Variants in CDH18 observed in about 807,000 individuals in gnomAD.
The protein encoded by CDH18 is cadherin 18.
A neutral mutation model predicts 67.9 loss-of-function variants in CDH18; 31 were observed. The observed-to-expected ratio is 0.46, with a 90% CI of 0.34 to 0.62. The LOEUF (loss-of-function observed/expected upper bound fraction) is 0.62. Among genes scored for constraint, CDH18 ranks in the 20% least tolerant of loss-of-function variants. CDH18 has a pLI of 0.01. For synonymous variants in CDH18, 362 were observed against 347.2 expected (o/e 1.04, Z -0.48); for missense variants, 890 against 975.5 (o/e 0.91, Z 1.17).
chr5:19,635,250 T>C (rs1414837591), intron 5 of CDH18, among the ~76,000 whole-genome samples: 1 of 152,178 alleles, frequency 6.6e-6, no homozygotes, highest in Non-Finnish European at 1.5e-5. Context: ...AGAAAATCCA[T>C]CTAATCACAG....
At chr5:19,549,690 G>A (rs922759299) in intron 8 of CDH18, among the ~76,000 whole-genome samples, 4 of 141,276 alleles carry the variant, frequency 2.8e-5, no homozygotes, top group Admixed American at 7.3e-5. Flanking sequence ...GAAGAAAAGC[G>A]AAAGAAAGAA....
At chr5:20,562,768 A>C (rs1287546920) in intron 1 of CDH18, among the ~76,000 whole-genome samples, 1 of 151,926 alleles carries the variant, frequency 6.6e-6, no homozygotes, top group Non-Finnish European at 1.5e-5. Context: ...GTAAAATTAA[A>C]ACAATATGAA....
chr5:19,550,099 G>A (rs2127134126), intron 8 of CDH18, among the ~76,000 whole-genome samples: 1 of 152,032 alleles, frequency 6.6e-6, no homozygotes, highest in Non-Finnish European at 1.5e-5. Flanking sequence ...ATAGCATTTT[G>A]GAGACTAGTG....
At chr5:19,563,049 T>G (rs549098085) in intron 8 of CDH18, among the ~76,000 whole-genome samples, 43 of 152,268 alleles carry the variant, frequency 2.8e-4, no homozygotes, top group Non-Finnish European at 5.6e-4. Context: ...ATGTGTGGAG[T>G]AAACCCATAA....
At chr5:19,602,809 C>A (rs999868522) in intron 6 of CDH18, among the ~76,000 whole-genome samples, 1 of 151,816 alleles carries the variant, frequency 6.6e-6, no homozygotes, top group South Asian at 2.1e-4. Flanking sequence ...ACTAAAAGTA[C>A]AAAAAATTAG....
chr5:19,761,597 C>T (rs1381696241), intron 3 of CDH18, among the ~76,000 whole-genome samples: 1 of 151,952 alleles, frequency 6.6e-6, no homozygotes, highest in Non-Finnish European at 1.5e-5. Flanking sequence ...AAAGAGGACA[C>T]AAACAAATGG....
chr5:20,275,344 A>G (rs991850480), intron 1 of CDH18, among the ~76,000 whole-genome samples: 2 of 152,030 alleles, frequency 1.3e-5, no homozygotes, highest in Non-Finnish European at 2.9e-5. Context: ...CTCTCCTGCC[A>G]CCATATGAAG....
At chr5:19,723,828 C>T (rs1766446221) in intron 4 of CDH18, among the ~76,000 whole-genome samples, 1 of 152,106 alleles carries the variant, frequency 6.6e-6, no homozygotes, top group Non-Finnish European at 1.5e-5. Context: ...ATTCTCCTGT[C>T]TCAGCCTCCT....
At chr5:19,926,777 T>A (rs1335289877) in intron 2 of CDH18, among the ~76,000 whole-genome samples, 7 of 152,066 alleles carry the variant, frequency 4.6e-5, no homozygotes, top group Non-Finnish European at 8.8e-5. Flanking sequence ...TTTTGTTTTT[T>A]TCTGAAAAGG....
intron 2 of CDH18, among the ~76,000 whole-genome samples, chr5:19,958,221 G>C (rs1176448115): frequency 6.6e-6 from 1 of 151,330 alleles, no homozygotes; most frequent in Non-Finnish European, 1.5e-5. Flanking sequence ...TAAATGCCTG[G>C]AGTAGAATAA....
rs369394297 is a variant in CDH18 at position 20,333,416 on chromosome 5, G to A, written c.-579-77911C>T. On this transcript the variant is annotated intron_variant, in intron 1 of 14. Transcript: ENST00000507958. ...CAGCTACTTGGGAGGCTGAGGGAGG[G>A]GAATCGCTTGAACCCAAGAGGCGGA... Among the ~76,000 whole-genome samples, 49 of 151,062 alleles carry A rather than the reference G, an allele frequency of 3.2e-4. No individual in the cohort carries two copies. In the South Asian group the frequency reaches 9.4e-3, roughly 29 times the overall value.
intron 1 of CDH18, among the ~76,000 whole-genome samples, chr5:20,399,472 C>T (rs1409251381): frequency 6.6e-6 from 1 of 152,062 alleles, no homozygotes; most frequent in Non-Finnish European, 1.5e-5. Context: ...AGACACACTA[C>T]TTTTAGGAGA....
chr5:20,290,499 G>C (rs1342933457), intron 1 of CDH18, among the ~76,000 whole-genome samples: 1 of 152,114 alleles, frequency 6.6e-6, no homozygotes, highest in African/African-American at 2.4e-5. Flanking sequence ...AGTGAATAAA[G>C]CATAATCCCT....
At chr5:20,411,557 A>G (rs567968453) in intron 1 of CDH18, among the ~76,000 whole-genome samples, 121 of 152,190 alleles carry the variant, frequency 8.0e-4, no homozygotes, top group African/African-American at 2.8e-3. Flanking sequence ...GATTTCCTGC[A>G]TAACACATAA....
intron 2 of CDH18, among the ~76,000 whole-genome samples, chr5:20,009,764 T>C (rs79888484): frequency 0.048 from 7,280 of 152,192 alleles, 233 homozygotes; most frequent in East Asian, 0.14. Flanking sequence ...AATGTGGTAA[T>C]ATTTGTCCAA....
At chr5:20,111,066 T>A (rs868614698) in intron 2 of CDH18, among the ~76,000 whole-genome samples, 6 of 152,208 alleles carry the variant, frequency 3.9e-5, no homozygotes, top group Non-Finnish European at 5.9e-5. Context: ...CAGTTTCAAC[T>A]GCTCATATAC....
intron 1 of CDH18, among the ~76,000 whole-genome samples, chr5:20,463,502 C>T (rs1751417517): frequency 6.6e-6 from 1 of 152,120 alleles, no homozygotes. Context: ...AGAGGCACCT[C>T]TTCACAGGGC....
intron 2 of CDH18, among the ~76,000 whole-genome samples, chr5:20,181,564 A>T (rs1262166254): frequency 1.3e-5 from 2 of 152,126 alleles, no homozygotes; most frequent in Admixed American, 1.3e-4. Flanking sequence ...ATAGGAAATA[A>T]GAAATTAGTC....
chr5:19,973,211 T>A (rs1277620827), intron 2 of CDH18, among the ~76,000 whole-genome samples: 3 of 152,150 alleles, frequency 2.0e-5, no homozygotes, highest in African/African-American at 7.2e-5. Flanking sequence ...AAATACTGTA[T>A]AATTTGGTTT....
Sources: gnomAD v4.1 joint callset for allele counts (sites outside exome capture counted in the v4.1 genomes callset) on GRCh38, gnomAD v4.1.1 for gene constraint, MANE v1.5 for transcripts, NCBI Gene and HGNC (gene_info 2026-07-23, HGNC 2026-07-21) for gene names.